HERC1: variants seen among roughly 807,000 people sequenced by gnomAD.
The protein encoded by HERC1 is HECT and RLD domain containing E3 ubiquitin protein ligase family member 1, also known as probable E3 ubiquitin-protein ligase HERC1.
Under a neutral mutation model 554.3 loss-of-function variants are expected in HERC1, and 160 were observed. The observed-to-expected ratio is 0.29, with a 90% confidence interval of 0.25 to 0.33. The LOEUF (loss-of-function observed/expected upper bound fraction) is 0.33. Ranked by LOEUF, HERC1 falls within the 10% of genes least tolerant of loss-of-function variation. The pLI, the probability that HERC1 is intolerant of heterozygous loss-of-function variation, is 1.00. For missense variants in HERC1, 4,919 were observed against 5,918.5 expected (o/e 0.83, Z 5.54); for synonymous variants, 2,175 against 2,131.7 (o/e 1.02, Z -0.56).
chr15:63,615,266 G>A (rs1274015464), intron 76 of HERC1, among the ~76,000 whole-genome samples: 4 of 152,182 alleles, frequency 2.6e-5, no homozygotes, highest in Non-Finnish European at 5.9e-5. Context: ...AAGGCACTGG[G>A]TATGGAGAAA....
intron 31 of HERC1, among the ~76,000 whole-genome samples, chr15:63,690,850 T>C (rs894920114): frequency 2.6e-5 from 4 of 152,230 alleles, no homozygotes; most frequent in African/African-American, 9.6e-5. Flanking sequence ...TCAGTTTTTA[T>C]GTATACATAA....
At chr15:63,704,921 G>A (rs2072923721) in intron 25 of HERC1, among the ~76,000 whole-genome samples, 1 of 151,660 alleles carries the variant, frequency 6.6e-6, no homozygotes, top group Non-Finnish European at 1.5e-5. Context: ...TGTATTTTTA[G>A]TAGAGACAGG....
At position 63,723,271 on chromosome 15, in the gene HERC1, A is replaced by G; in HGVS notation, c.3653T>C (p.Ile1218Thr). The G allele has an allele frequency of 6.3e-7, 1 of 1,598,546 alleles. No homozygotes were observed. The highest frequency in any genetic ancestry group is 8.5e-7 in the Non-Finnish European group (1 of 1,171,542). The change falls in exon 19 of 78, where the codon ATT (isoleucine) becomes ACT (threonine). Residue 1218 changes from isoleucine to threonine, a missense_variant. Ile to Thr is a moderately conservative substitution (Grantham distance 89, BLOSUM62 -1). Transcript: ENST00000443617. Reference protein sequence around the residue: ...KPFDYKLRPEIAVYVDLALGC... With the variant: ...KPFDYKLRPETAVYVDLALGC... ...CAATGCCAAGTCTACATAGACAGCA[A>G]TTTCAGGCCGCAATTTATAATCAAA...
rs770763400 is a variant in HERC1 at position 63,628,671 on chromosome 15, C to T, written c.13105+6G>A. 16 of 1,605,132 alleles carry T rather than the reference C, an allele frequency of 1.0e-5. No individual in the cohort carries two copies. Among genetic ancestry groups the T allele is most frequent in the Middle Eastern group, 3.4e-4 (2 of 5,886 alleles). On this transcript the variant is annotated splice_donor_region_variant and intron_variant, in intron 70 of 77. Coordinates refer to ENST00000443617, the MANE Select transcript of HERC1 (RefSeq NM_003922.4). ...GCTGCAGGAGCATGAATATTTCATT[C>T]CTCACCTGGTGCTCTTGGTGGGACA...
intron 1 of HERC1, among the ~76,000 whole-genome samples, chr15:63,819,667 C>T (rs2077617847): frequency 6.6e-6 from 1 of 152,208 alleles, no homozygotes; most frequent in Non-Finnish European, 1.5e-5. Context: ...CTCTAAAGTT[C>T]CGTCTCATTG....
chr15:63,704,802 G>A lies in HERC1; in HGVS notation c.4636+1978C>T, dbSNP rs750707202. On this transcript the variant is annotated intron_variant, in intron 25 of 77. Coordinates refer to ENST00000443617, the MANE Select transcript of HERC1 (RefSeq NM_003922.4). The stretch of plus-strand genomic sequence containing the variant: ...CGCCCAGGCTGGAGTGCAGTGGTGC[G>A]ATCTCGGCTCACTGCAAGCTCCGCT... Among the ~76,000 whole-genome samples the A allele has an allele frequency of 2.6e-4, 37 of 143,330 alleles. 1 individual carries two copies. The highest frequency in any genetic ancestry group is 4.9e-4 in the Non-Finnish European group (33 of 66,932). The allele number at this position is 143,330 out of a possible 152,430, so 94.0% of individuals were successfully genotyped here. A position where few individuals can be genotyped will look rare whatever the true frequency, so the allele number is the denominator to read the frequency against.
Position 63,734,664 on chromosome 15 carries a change from C to T in HERC1, c.2646+60G>A. On this transcript the variant is annotated intron_variant, in intron 13 of 77. Transcript: ENST00000443617. This position sits in a 1 kb window ranked among gnomAD's most constrained non-coding sequence, Gnocchi z 4.6. ...CATGGCAATTTATTAGTTTTATTTC[C>T]TTCTCAGTCCAAATTTTTAGGATAC... The T allele has an allele frequency of 7.0e-7, 1 of 1,420,182 alleles. No individual in the cohort carries two copies. Among genetic ancestry groups the T allele is most frequent in the Non-Finnish European group, 9.4e-7 (1 of 1,066,744 alleles). The allele number at this position is 1,420,182 out of a possible 1,614,324, so 88.0% of individuals were successfully genotyped here. A position where few individuals can be genotyped will look rare whatever the true frequency, so the allele number is the denominator to read the frequency against.
intron 1 of HERC1, among the ~76,000 whole-genome samples, chr15:63,823,363 T>C (rs1370763326): frequency 6.6e-6 from 1 of 152,218 alleles, no homozygotes; most frequent in Non-Finnish European, 1.5e-5. Context: ...AATACAGATG[T>C]AGAAGATTTT....
chr15:63,688,430 G>A (rs2071908963), intron 33 of HERC1, among the ~76,000 whole-genome samples: 1 of 151,324 alleles, frequency 6.6e-6, no homozygotes, highest in Admixed American at 6.6e-5. Flanking sequence ...GTAGAAGATG[G>A]GAATATAAGT....
At position 63,734,755 on chromosome 15, in the gene HERC1, G is replaced by A; in HGVS notation, c.2615C>T (p.Pro872Leu). 1 of 1,587,026 alleles carries A rather than the reference G, an allele frequency of 6.3e-7. No individual in the cohort carries two copies. Among genetic ancestry groups the A allele is most frequent in the Non-Finnish European group, 8.5e-7 (1 of 1,170,196 alleles). Residue 872 changes from proline (P) to leucine (L), a missense_variant, in exon 13 of 78, where the codon CCT (proline) becomes CTT (leucine). Pro to Leu is a moderately conservative substitution (Grantham distance 98). Transcript: ENST00000443617. This position sits in a 1 kb window ranked among gnomAD's most constrained non-coding sequence, Gnocchi z 4.6. ...ELLHSLLPQG[P>L]DRWESLSKGQ... is the part of the protein sequence containing the mutation. ...TTTAGATAAGCTTTCCCATCTATCA[G>A]GTCCTTGAGGTAAAAGAGAATGAAG...
At position 63,789,801 on chromosome 15, in the gene HERC1, AAAATAAATAAAT is replaced by A. The variant is rs10527229; in HGVS notation, c.-26-14164_-26-14153del. ...TGGGCGACCAAGCGAGCCCTGTCTC[AAAATAAATAAAT>A]AAATAAATAAATAAATAAATAAATG... On this transcript the variant is annotated intron_variant, in intron 1 of 77. Transcript: ENST00000443617. Among the ~76,000 whole-genome samples the A allele has an allele frequency of 7.2e-5, 10 of 139,128 alleles. No individual in the cohort carries two copies. In the South Asian group the frequency reaches 1.2e-3, roughly 16 times the overall value. 91.3% of individuals were successfully genotyped at this position (139,128 alleles called of 152,430 possible). A position where few individuals can be genotyped will look rare whatever the true frequency, so the allele number is the denominator to read the frequency against.
intron 18 of HERC1, among the ~76,000 whole-genome samples, chr15:63,724,414 A>C (rs778651596): frequency 1.3e-5 from 2 of 152,210 alleles, no homozygotes; most frequent in East Asian, 3.8e-4. Context: ...ATGTACACTC[A>C]TATTTGGAAA....
rs2076074622 is a variant in HERC1 at position 63,774,961 on chromosome 15, G to A, written c.663C>T (p.Cys221=). 1 of 1,614,000 alleles carries A rather than the reference G, an allele frequency of 6.2e-7. No individual in the cohort carries two copies. The highest frequency in any genetic ancestry group is 8.5e-7 in the Non-Finnish European group (1 of 1,179,872). The change falls in exon 2 of 78, where the codon TGC becomes TGT. Residue 221 remains cysteine (C), a synonymous_variant. Transcript: ENST00000443617. ...TAAGAAATGTTGTTACTTGCGATAA[G>A]CAGTCCAAGCCCATAGGAGGAATCT... The part of the protein sequence containing the change: ...ESKIPPMGLD[C]LSQVTTFLKG...
rs755853841 is a variant in HERC1 at position 63,609,072 on chromosome 15, C to T, written c.*9G>A. 6.2e-7 allele frequency: 1 copy of T among 1,609,902 alleles called. No homozygotes were observed. Among genetic ancestry groups the T allele is most frequent in the East Asian group, 2.2e-5 (1 of 44,784 alleles). ...AGGGAGAGAAGGGAGGGTGAGAGCA[C>T]CCGCACGGTCAGTAGTCAGTGTCGG... On this transcript the variant is annotated 3_prime_UTR_variant, in exon 78 of 78. Coordinates refer to ENST00000443617, the MANE Select transcript of HERC1 (RefSeq NM_003922.4).
At chr15:63,780,898 T>C (rs2076269550) in intron 1 of HERC1, among the ~76,000 whole-genome samples, 1 of 152,192 alleles carries the variant, frequency 6.6e-6, no homozygotes, top group Non-Finnish European at 1.5e-5. Context: ...GCCCAAAATT[T>C]ATAATCTCTG....
chr15:63,675,480 C>A (rs756332532), intron 37 of HERC1, among the ~76,000 whole-genome samples: 8 of 152,128 alleles, frequency 5.3e-5, no homozygotes, highest in African/African-American at 9.7e-5. Flanking sequence ...GCAAAAGCAG[C>A]CACTGATACA....
chr15:63,654,308 A>C lies in HERC1; in HGVS notation c.10101T>G (p.Ala3367=). ...EVEKKGPLEL[A]NALAACCLSS... ...AGAGGCAGCAGGCTGCCAGGGCATT[A>C]GCCAACTCCAGAGGGCCTACAGCAG... The change falls in exon 51 of 78, where the codon GCT becomes GCG. Residue 3367 remains alanine (A), a synonymous_variant. Transcript: ENST00000443617. 6.2e-7 allele frequency: 1 copy of C among 1,613,324 alleles called. No homozygotes were observed. Among genetic ancestry groups the C allele is most frequent in the Middle Eastern group, 1.7e-4 (1 of 6,060 alleles).
In HERC1 at chr15:63,752,819, CAGAAGA is replaced by C. The variant is rs2075295767; in HGVS notation, c.1902+133_1902+138del. ...TCCTTCTCAGATACTCTACTTCAAA[CAGAAGA>C]AGATATTTCATTTTAGCATGTTGCC... On this transcript the variant is annotated intron_variant, in intron 8 of 77. Transcript: ENST00000443617. 4.9e-6 allele frequency: 4 copies of C among 816,912 alleles called. No homozygotes were observed. The Admixed American group carries it at 1.2e-4, about 24-fold the overall frequency. The allele number at this position is 816,912 out of a possible 1,614,324, so 50.6% of individuals were successfully genotyped here. A position where few individuals can be genotyped will look rare whatever the true frequency, so the allele number is the denominator to read the frequency against.
chr15:63,827,533 A>G (rs1371573502), intron 1 of HERC1, among the ~76,000 whole-genome samples: 1 of 152,198 alleles, frequency 6.6e-6, no homozygotes, highest in Non-Finnish European at 1.5e-5. Context: ...GCAAAAGAGT[A>G]TAGTATACTC....
Sources: gnomAD v4.1 joint callset for allele counts (sites outside exome capture counted in the v4.1 genomes callset) on GRCh38, gnomAD v4.1.1 for gene constraint, Gnocchi (gnomAD v3.1) non-coding constraint, MANE v1.5 for transcripts, NCBI Gene and HGNC (gene_info 2026-07-23, HGNC 2026-07-21) for gene names.